The following SLC24A2 variants were observed in gnomAD, a reference collection of about 807,000 sequenced individuals.
The protein encoded by SLC24A2 is solute carrier family 24 member 2.
SLC24A2 carries 36 observed loss-of-function variants against 62.0 expected under a neutral mutation model. The ratio of observed to expected loss-of-function variants is 0.58; its 90% confidence interval spans 0.44 to 0.77. The LOEUF is 0.77. SLC24A2 is among the 30% of genes least tolerant of loss of function. The pLI, the probability that SLC24A2 is intolerant of heterozygous loss-of-function variation, is 0.00. For missense variants in SLC24A2, 846 were observed against 817.9 expected (o/e 1.03, Z -0.42); for synonymous variants, 358 against 294.0 (o/e 1.22, Z -2.23).
At chr9:19,905,942 T>C in the SLC24A2 span, among the ~76,000 whole-genome samples, 9 of 152,012 alleles carry the variant, frequency 5.9e-5, no homozygotes. Flanking sequence ...AACAACGATA[T>C]CCAGGAATTG....
chr9:19,676,438 A>C (rs1564031087), intron 2 of SLC24A2, among the ~76,000 whole-genome samples: 1 of 152,180 alleles, frequency 6.6e-6, no homozygotes, highest in Non-Finnish European at 1.5e-5. Flanking sequence ...ATCTTAACAG[A>C]TAGACCTGGA....
the SLC24A2 span, among the ~76,000 whole-genome samples, chr9:19,960,980 A>T: frequency 6.6e-6 from 1 of 151,168 alleles, no homozygotes; most frequent in African/African-American, 2.4e-5. Context: ...AGACTAGGTG[A>T]CAATATATAT....
At chr9:19,727,265 A>G (rs1304031600) in intron 2 of SLC24A2, among the ~76,000 whole-genome samples, 9 of 152,212 alleles carry the variant, frequency 5.9e-5, no homozygotes, top group Admixed American at 2.6e-4. Context: ...ATCTGTATAC[A>G]GTGATATTTT....
rs1013631581 is a variant in SLC24A2 at position 19,593,896 on chromosome 9, C to G, written c.1129+3333G>C. Among the ~76,000 whole-genome samples the G allele has an allele frequency of 3.3e-5, 5 of 152,118 alleles. No individual in the cohort carries two copies. In the East Asian group the frequency reaches 9.6e-4, roughly 29 times the overall value. ...ACTCTTTGAGCCTTGGTTTTCTCCT[C>G]TTCAATAAAATACACTTTTATGATC... is the stretch of plus-strand genomic sequence containing the variant. On this transcript the variant is annotated intron_variant, in intron 5 of 10. Transcript: ENST00000341998.
the SLC24A2 span, among the ~76,000 whole-genome samples, chr9:20,152,661 C>G: frequency 2.6e-5 from 4 of 151,846 alleles, no homozygotes; most frequent in Admixed American, 2.6e-4. Context: ...TGAAAAAGGA[C>G]AGCTGTGTCC....
At chr9:20,012,866 T>A in the SLC24A2 span, among the ~76,000 whole-genome samples, 1 of 152,178 alleles carries the variant, frequency 6.6e-6, no homozygotes, top group South Asian at 2.1e-4. Context: ...ACTTGTATGT[T>A]GAAAACTATA....
chr9:20,285,246 A>C, the SLC24A2 span, among the ~76,000 whole-genome samples: 1 of 152,220 alleles, frequency 6.6e-6, no homozygotes, highest in Non-Finnish European at 1.5e-5. Context: ...GCCTTATATT[A>C]GTCTGAGTGC....
At chr9:19,564,445 G>C (rs1835565045) in intron 7 of SLC24A2, among the ~76,000 whole-genome samples, 1 of 152,158 alleles carries the variant, frequency 6.6e-6, no homozygotes, top group Non-Finnish European at 1.5e-5. Context: ...AATATGGCAA[G>C]GTAATATTTG....
chr9:19,654,842 A>G (rs1818900264), intron 2 of SLC24A2, among the ~76,000 whole-genome samples: 1 of 152,162 alleles, frequency 6.6e-6, no homozygotes, highest in Non-Finnish European at 1.5e-5. Flanking sequence ...CTCCGTACTC[A>G]CACGGCAATG....
chr9:20,090,057 G>C, the SLC24A2 span, among the ~76,000 whole-genome samples: 775 of 152,190 alleles, frequency 5.1e-3, 6 homozygotes, highest in African/African-American at 0.017. Flanking sequence ...AAGGAGCAAA[G>C]GCCCTAAGTG....
intron 2 of SLC24A2, among the ~76,000 whole-genome samples, chr9:19,641,706 G>C (rs1311221559): frequency 6.6e-6 from 1 of 151,796 alleles, no homozygotes; most frequent in African/African-American, 2.4e-5. Flanking sequence ...GCAAAGACAG[G>C]GTTAAACATT....
chr9:20,186,279 C>A, the SLC24A2 span, among the ~76,000 whole-genome samples: 1 of 152,120 alleles, frequency 6.6e-6, no homozygotes, highest in Non-Finnish European at 1.5e-5. Flanking sequence ...TTGCCCCAGT[C>A]GATTTCCCTG....
upstream of SLC24A2, among the ~76,000 whole-genome samples, chr9:19,792,076 G>A (rs891944651): frequency 6.6e-6 from 1 of 152,122 alleles, no homozygotes; most frequent in African/African-American, 2.4e-5. Flanking sequence ...ATGTAAAACT[G>A]CCAAAGGGGT....
At chr9:19,826,173 CAAAAA>C in the SLC24A2 span, among the ~76,000 whole-genome samples, 7 of 110,736 alleles carry the variant, frequency 6.3e-5, no homozygotes, top group Non-Finnish European at 1.2e-4. Flanking sequence ...TGATGCATTG[CAAAAA>C]AAAAAAAAAA....
chr9:19,928,100 G>T, the SLC24A2 span: 3 of 152,368 alleles, frequency 2.0e-5, no homozygotes, highest in African/African-American at 7.2e-5. Flanking sequence ...GTCTCCTAGG[G>T]GTTGGTTACA....
At chr9:19,710,158 A>C (rs907842738) in intron 2 of SLC24A2, among the ~76,000 whole-genome samples, 4 of 152,158 alleles carry the variant, frequency 2.6e-5, no homozygotes, top group Non-Finnish European at 5.9e-5. Context: ...TTTGTAATAA[A>C]GCCCTAGCAC....
the SLC24A2 span, among the ~76,000 whole-genome samples, chr9:19,796,090 G>A: frequency 7.4e-6 from 1 of 135,426 alleles, no homozygotes; most frequent in East Asian, 2.3e-4. Flanking sequence ...ATGGACACAG[G>A]AAGGGGAACA....
At chr9:20,078,951 T>C in the SLC24A2 span, among the ~76,000 whole-genome samples, 2 of 152,230 alleles carry the variant, frequency 1.3e-5, no homozygotes, top group Non-Finnish European at 2.9e-5. Context: ...CTTTTTGTAG[T>C]GGATTGAATG....
At chr9:20,093,502 T>C in the SLC24A2 span, among the ~76,000 whole-genome samples, 10 of 152,214 alleles carry the variant, frequency 6.6e-5, no homozygotes, top group African/African-American at 1.9e-4. Flanking sequence ...ATATTTGTCT[T>C]TTAATACAGA....
Sources: allele counts gnomAD v4.1 joint callset (sites outside exome capture counted in the v4.1 genomes callset), GRCh38; gene constraint gnomAD v4.1.1; transcripts MANE v1.5; gene names NCBI Gene and HGNC (gene_info 2026-07-23, HGNC 2026-07-21).